KLHL22: variants seen among roughly 807,000 people sequenced by gnomAD.
KLHL22 encodes kelch-like protein 22.
KLHL22 carries 18 observed loss-of-function variants against 60.7 expected under a neutral mutation model. The observed-to-expected ratio is 0.30, with a 90% CI of 0.20 to 0.44. The LOEUF (loss-of-function observed/expected upper bound fraction) is 0.44. Ranked by LOEUF, KLHL22 falls within the 20% of genes least tolerant of loss-of-function variation. KLHL22 has a pLI of 1.00. For missense variants in KLHL22, 596 were observed against 852.3 expected, an observed-to-expected ratio of 0.70 and a Z score of 3.74; for synonymous variants, 355 against 354.5, an observed-to-expected ratio of 1.00 and a Z score of -0.01.
chr22:20,445,772 T>A (rs1377984285), intron 6 of KLHL22, among the ~76,000 whole-genome samples: 1 of 151,924 alleles, frequency 6.6e-6, no homozygotes, highest in African/African-American at 2.4e-5. Context: ...TGTTTTTTTT[T>A]GTTTTTTTTG....
At chr22:20,458,985 G>T (rs1157974262) in intron 4 of KLHL22, among the ~76,000 whole-genome samples, 1 of 152,094 alleles carries the variant, frequency 6.6e-6, no homozygotes, top group Non-Finnish European at 1.5e-5. Flanking sequence ...GAGGGTGGAG[G>T]AGTCTGGCCA....
chr22:20,445,496 G>A (rs1348954591), intron 6 of KLHL22, among the ~76,000 whole-genome samples: 8 of 152,064 alleles, frequency 5.3e-5, no homozygotes, highest in African/African-American at 1.7e-4. Flanking sequence ...GTGAGCCACC[G>A]CGCCCGGCCA....
chr22:20,473,921 C>T (rs2053367449), intron 2 of KLHL22, among the ~76,000 whole-genome samples: 1 of 133,028 alleles, frequency 7.5e-6, no homozygotes. Context: ...AGTCCCCTTG[C>T]CTCTGCTCCC....
rs201882041 is a variant in KLHL22 at position 20,442,328 on chromosome 22, A to T, written c.1650T>A (p.Gly550=). 13 of 1,613,980 alleles carry T rather than the reference A, an allele frequency of 8.1e-6. No homozygotes were observed. In the East Asian group the frequency reaches 2.5e-4, roughly 30 times the overall value. The change falls in exon 7 of 7, where the codon GGT becomes GGA. Residue 550 remains glycine, a synonymous_variant. Coordinates refer to ENST00000328879, the MANE Select transcript of KLHL22 (RefSeq NM_032775.4). ...GGCTGCCGCGGTTGTGTGAGCGGCC[A>T]CCTAACACATAGATCCTGTTGTCCA... ...AVLDNRIYVL[G]GRSHNRGSRT...
At chr22:20,442,549 C>A in intron 6 of KLHL22, 111 bp from the exon 7 acceptor site, 1 of 1,336,930 alleles carries the variant, frequency 7.5e-7, no homozygotes, top group Non-Finnish European at 9.9e-7. Context: ...TCTGACAGGT[C>A]AGGCCCCCTG....
rs1234960790 is a variant in KLHL22, at chr22:20,443,515, C to T, written c.1540-1077G>A. Among the ~76,000 whole-genome samples the T allele has an allele frequency of 1.3e-4, 19 of 149,244 alleles. 1 individual carries two copies. In the South Asian group the frequency reaches 2.1e-3, roughly 17 times the overall value. On this transcript the variant is annotated intron_variant, in intron 6 of 6. Transcript: ENST00000328879. The stretch of plus-strand genomic sequence containing the variant: ...CAGCACTTTGGGAGGCCAAGGCGGG[C>T]TGATCACAAGGTCAAGAGATCAAGA...
At chr22:20,490,877 C>G (rs577908017) in intron 1 of KLHL22, among the ~76,000 whole-genome samples, 66 of 152,304 alleles carry the variant, frequency 4.3e-4, no homozygotes, top group African/African-American at 1.5e-3. Flanking sequence ...CAGCCACAGA[C>G]TGATACAGGT....
intron 6 of KLHL22, among the ~76,000 whole-genome samples, chr22:20,443,288 C>A (rs2052794580): frequency 6.6e-6 from 1 of 152,092 alleles, no homozygotes. Context: ...AGTTCCTAAT[C>A]TCCAGAATAT....
At chr22:20,452,286 T>G (rs552466167) in intron 5 of KLHL22, among the ~76,000 whole-genome samples, 9 of 151,802 alleles carry the variant, frequency 5.9e-5, no homozygotes, top group Admixed American at 2.0e-4. Context: ...AACAAATACA[T>G]TTTCTAATCT....
At chr22:20,478,712 C>T (rs1261448881) in intron 2 of KLHL22, among the ~76,000 whole-genome samples, 1 of 149,080 alleles carries the variant, frequency 6.7e-6, no homozygotes, top group Non-Finnish European at 1.5e-5. Flanking sequence ...GACGGGGTTT[C>T]ACAGTGTTAG....
At chr22:20,453,432 C>G (rs1170400021) in intron 5 of KLHL22, among the ~76,000 whole-genome samples, 2 of 152,112 alleles carry the variant, frequency 1.3e-5, no homozygotes, top group Non-Finnish European at 2.9e-5. Flanking sequence ...TGTTTCTGCA[C>G]CTTTGTCCAA....
intron 5 of KLHL22, among the ~76,000 whole-genome samples, chr22:20,452,374 G>A (rs887152927): frequency 1.8e-4 from 28 of 152,136 alleles, no homozygotes; most frequent in Non-Finnish European, 3.5e-4. Context: ...GGGGGCAAGG[G>A]AGAGATACTC....
Position 20,445,495 on chromosome 22 carries a change from C to T in KLHL22, c.1539+948G>A, listed in dbSNP as rs755425852. Among the ~76,000 whole-genome samples, 67 of 152,304 alleles carry T rather than the reference C, an allele frequency of 4.4e-4. 1 individual carries two copies. Among genetic ancestry groups the T allele is most frequent in the Non-Finnish European group, 4.9e-4 (33 of 68,038 alleles). On this transcript the variant is annotated intron_variant, in intron 6 of 6. Coordinates refer to ENST00000328879, the MANE Select transcript of KLHL22 (RefSeq NM_032775.4). ...TGCTGGGATTACAGGCGTGAGCCAC[C>T]GCGCCCGGCCACCCATCTCTATTTT...
intron 2 of KLHL22, among the ~76,000 whole-genome samples, chr22:20,482,631 G>A (rs1316417880): frequency 6.6e-6 from 1 of 151,994 alleles, no homozygotes; most frequent in East Asian, 1.9e-4. Context: ...GGTGTGCAGT[G>A]GTGCGATCTC....
intron 5 of KLHL22, chr22:20,456,513 C>T (rs925086275): frequency 2.0e-5 from 3 of 152,206 alleles, no homozygotes; most frequent in Admixed American, 6.5e-5. Context: ...CAACACCCAC[C>T]TAGGAGGCTT....
intron 2 of KLHL22, among the ~76,000 whole-genome samples, chr22:20,480,932 C>T (rs972610576): frequency 3.3e-5 from 5 of 150,510 alleles, no homozygotes; most frequent in East Asian, 4.0e-4. Flanking sequence ...CCTGGGTTCA[C>T]GCCATTCTCC....
rs554206911 is a variant in KLHL22 at position 20,487,444 on chromosome 22, A to C, written c.227+1541T>G. On this transcript the variant is annotated intron_variant, in intron 2 of 6. Transcript: ENST00000328879. ...ACCATGTTGGCCAGGCTAGTCTCAA[A>C]CTCCTGGCCTCAAGTGATCCACCTG... Among the ~76,000 whole-genome samples the C allele has an allele frequency of 2.1e-4, 31 of 149,500 alleles. 1 individual carries two copies. In the South Asian group the frequency reaches 4.7e-3, roughly 23 times the overall value.
intron 2 of KLHL22, chr22:20,484,074 G>T: frequency 1.0e-6 from 1 of 982,632 alleles, no homozygotes; most frequent in Non-Finnish European, 1.6e-6. Context: ...CCAGTAGTTG[G>T]TGGAGAAGGT....
chr22:20,489,074 G>C lies in KLHL22; in HGVS notation c.138C>G (p.Ser46Arg), dbSNP rs935842382. The C allele has an allele frequency of 6.2e-7, 1 of 1,614,030 alleles. No individual in the cohort carries two copies. Residue 46 changes from serine (S) to arginine (R), a missense_variant, in exon 2 of 7, where the codon AGC (serine) becomes AGG (arginine). By Grantham distance (110) the Ser-to-Arg change is moderately radical. Transcript: ENST00000328879. ...LLRGLLALRD[S>R]GILFDVVLVV... ...CCAGCACAACATCGAAGAGGATTCCGCTGTCCCGGAGAGCCAGCAGCCCTC... is the reference window on the plus strand; with the variant it reads ...CCAGCACAACATCGAAGAGGATTCCCCTGTCCCGGAGAGCCAGCAGCCCTC...
Sources: allele counts gnomAD v4.1 joint callset (sites outside exome capture counted in the v4.1 genomes callset), GRCh38; gene constraint gnomAD v4.1.1; transcripts MANE v1.5; gene names NCBI Gene and HGNC (gene_info 2026-07-23, HGNC 2026-07-21).